Variants in LINGO1 observed in about 807,000 individuals in gnomAD.
LINGO1 encodes the protein leucine rich repeat and Ig domain containing 1, also known as leucine-rich repeat and immunoglobulin-like domain-containing nogo receptor-interacting protein 1.
Under a neutral mutation model 37.3 loss-of-function variants are expected in LINGO1, and 11 were observed. The observed-to-expected ratio is 0.29, with a 90% CI of 0.19 to 0.49. The LOEUF (loss-of-function observed/expected upper bound fraction) is 0.49, where lower values mean the gene tolerates loss of function less well. LINGO1 is among the 20% of genes least tolerant of loss of function. LINGO1 has a pLI of 0.99. For missense variants in LINGO1, 585 were observed against 878.2 expected (o/e 0.67, Z 4.22); for synonymous variants, 387 against 403.0 (o/e 0.96, Z 0.48).
chr15:77,661,996 C>T (rs1051244405), intron 3 of LINGO1, among the ~76,000 whole-genome samples: 111 of 152,308 alleles, frequency 7.3e-4, no homozygotes, highest in African/African-American at 2.5e-3. Context: ...CTCCCCTCAA[C>T]GGGAGCTTCC....
intron 1 of LINGO1, among the ~76,000 whole-genome samples, chr15:77,756,978 C>T (rs1233157990): frequency 6.6e-6 from 1 of 152,146 alleles, no homozygotes; most frequent in Non-Finnish European, 1.5e-5. Context: ...GCAGGTTTCC[C>T]CACCCATACC....
intron 2 of LINGO1, among the ~76,000 whole-genome samples, chr15:77,710,655 C>T (rs962475949): frequency 1.3e-5 from 2 of 152,240 alleles, no homozygotes; most frequent in Non-Finnish European, 2.9e-5. Context: ...CTTCACTTTG[C>T]CGCGGTGCTG....
chr15:77,701,230 A>G (rs1020130089), upstream of LINGO1, among the ~76,000 whole-genome samples: 1 of 152,094 alleles, frequency 6.6e-6, no homozygotes, highest in African/African-American at 2.4e-5. Context: ...TCTCAAACAT[A>G]ACCAACAGGC....
At chr15:77,774,769 G>A (rs1041575624) in intron 1 of LINGO1, among the ~76,000 whole-genome samples, 6 of 152,082 alleles carry the variant, frequency 3.9e-5, no homozygotes, top group African/African-American at 1.5e-4. Context: ...ACCCTGTATT[G>A]GGTCCTGACC....
At chr15:77,709,477 G>C (rs1268305191) in intron 2 of LINGO1, among the ~76,000 whole-genome samples, 1 of 152,254 alleles carries the variant, frequency 6.6e-6, no homozygotes. Context: ...ACAGCGGCAG[G>C]CCTGGAATCC....
chr15:77,765,824 C>G (rs918953710), intron 1 of LINGO1, among the ~76,000 whole-genome samples: 2 of 152,152 alleles, frequency 1.3e-5, no homozygotes, highest in Admixed American at 6.5e-5. Flanking sequence ...TTGGGGCTTC[C>G]CTGTGAACTG....
intron 1 of LINGO1, among the ~76,000 whole-genome samples, chr15:77,782,514 G>A (rs923152791): frequency 2.6e-5 from 4 of 152,172 alleles, no homozygotes; most frequent in Non-Finnish European, 5.9e-5. Context: ...GATGCTGACC[G>A]AAGGCCCGAT....
At chr15:77,738,640 A>C (rs910341466) in intron 1 of LINGO1, among the ~76,000 whole-genome samples, 2 of 152,160 alleles carry the variant, frequency 1.3e-5, no homozygotes, top group African/African-American at 2.4e-5. Context: ...ATCACAACAT[A>C]AACTCCATAA....
At chr15:77,639,209 C>G (rs1334234695), upstream of LINGO1, among the ~76,000 whole-genome samples, 4 of 152,062 alleles carry the variant, frequency 2.6e-5, no homozygotes, top group Non-Finnish European at 1.5e-5. Flanking sequence ...GCTAGAGGTA[C>G]CCAGCTAAGC....
chr15:77,802,588 C>G (rs1053713257), intron 1 of LINGO1, among the ~76,000 whole-genome samples: 1 of 152,090 alleles, frequency 6.6e-6, no homozygotes, highest in Non-Finnish European at 1.5e-5. Context: ...GAGCATAAGG[C>G]CCCCTCCAGT....
chr15:77,646,331 G>A (rs1399540746), intron 3 of LINGO1: 3 of 383,866 alleles, frequency 7.8e-6, no homozygotes, highest in African/African-American at 2.1e-5. Flanking sequence ...ACATGGAGGC[G>A]CCTCCCCAGG....
chr15:77,733,513 G>A (rs1459925684), intron 2 of LINGO1, among the ~76,000 whole-genome samples: 1 of 152,186 alleles, frequency 6.6e-6, no homozygotes, highest in East Asian at 1.9e-4. Flanking sequence ...CTCCTCTCAG[G>A]TAACCCACCA....
At chr15:77,628,850 C>T (rs188341182) in intron 1 of LINGO1, among the ~76,000 whole-genome samples, 20 of 152,352 alleles carry the variant, frequency 1.3e-4, no homozygotes, top group Admixed American at 7.2e-4. Context: ...AAGTCACTCG[C>T]CACCTCTCTG....
chr15:77,816,644 A>G (rs540528803), intron 1 of LINGO1, among the ~76,000 whole-genome samples: 1 of 152,176 alleles, frequency 6.6e-6, no homozygotes, highest in East Asian at 1.9e-4. Flanking sequence ...TGTTTTCCTA[A>G]AGGGAGCAGC....
At chr15:77,702,418 T>A (rs1415498799) in intron 2 of LINGO1, among the ~76,000 whole-genome samples, 3 of 152,070 alleles carry the variant, frequency 2.0e-5, no homozygotes, top group African/African-American at 7.2e-5. Context: ...TGGGGTCAGG[T>A]ATCACAGATG....
At chr15:77,658,922 G>A (rs142511930) in intron 3 of LINGO1, among the ~76,000 whole-genome samples, 1 of 152,344 alleles carries the variant, frequency 6.6e-6, no homozygotes, top group African/African-American at 2.4e-5. Context: ...ATAGAGTGGA[G>A]TGGAGATTTT....
At chr15:77,621,028 A>G (rs1296169044) in intron 1 of LINGO1, among the ~76,000 whole-genome samples, 1 of 151,508 alleles carries the variant, frequency 6.6e-6, no homozygotes, top group East Asian at 1.9e-4. Context: ...TAACACTTGG[A>G]CAGTCCCTGC....
intron 1 of LINGO1, among the ~76,000 whole-genome samples, chr15:77,759,477 A>G (rs2141379872): frequency 6.6e-6 from 1 of 152,338 alleles, no homozygotes; most frequent in South Asian, 2.1e-4. Context: ...CCCCACCTGA[A>G]AAAATGGAGC....
At chr15:77,700,650 C>G (rs1486991455), upstream of LINGO1, among the ~76,000 whole-genome samples, 1 of 152,112 alleles carries the variant, frequency 6.6e-6, no homozygotes, top group Admixed American at 6.5e-5. Context: ...TACCAGTGGT[C>G]AAAGTCTCCG....
Sources: gnomAD v4.1 joint callset for allele counts (sites outside exome capture counted in the v4.1 genomes callset) on GRCh38, gnomAD v4.1.1 for gene constraint, MANE v1.5 for transcripts, NCBI Gene and HGNC (gene_info 2026-07-23, HGNC 2026-07-21) for gene names.